CSMD1: variants seen among roughly 807,000 people sequenced by gnomAD.
CSMD1 encodes the protein CUB and sushi domain-containing protein 1.
Under a neutral mutation model 417.5 loss-of-function variants are expected in CSMD1, and 213 were observed. That is an observed-to-expected ratio of 0.51 (90% CI 0.46 to 0.57). The LOEUF (loss-of-function observed/expected upper bound fraction) is 0.57. Among genes scored for constraint, CSMD1 ranks in the 20% least tolerant of loss-of-function variants. CSMD1 has a pLI of 0.00. For synonymous variants in CSMD1, 2,862 were observed against 1,736.8 expected (o/e 1.65, Z -16.11); for missense variants, 6,923 against 4,529.7 (o/e 1.53, Z -15.17).
At chr8:3,128,365 T>G (rs150012201) in intron 41 of CSMD1, 1 of 153,370 alleles carries the variant, frequency 6.5e-6, no homozygotes, top group Non-Finnish European at 1.5e-5. Context: ...AAGTTCTTAA[T>G]AAGTCATTTA....
chr8:4,742,293 G>C (rs991421534), intron 1 of CSMD1, among the ~76,000 whole-genome samples: 1 of 151,684 alleles, frequency 6.6e-6, no homozygotes, highest in Non-Finnish European at 1.5e-5. Flanking sequence ...GCCTCCCAAA[G>C]TGCTGAGATT....
At chr8:4,909,665 G>A (rs112318137) in intron 1 of CSMD1, among the ~76,000 whole-genome samples, 2,351 of 152,178 alleles carry the variant, frequency 0.015, 69 homozygotes, top group African/African-American at 0.054. Context: ...TCCTAAGACT[G>A]CACACCCCCG....
At chr8:4,106,242 C>G (rs543257564) in intron 3 of CSMD1, among the ~76,000 whole-genome samples, 2 of 152,158 alleles carry the variant, frequency 1.3e-5, no homozygotes, top group African/African-American at 2.4e-5. Context: ...CTATAAACTT[C>G]CGAGCAGGAT....
At chr8:3,401,048 T>C (rs192369313) in intron 15 of CSMD1, among the ~76,000 whole-genome samples, 1 of 151,906 alleles carries the variant, frequency 6.6e-6, no homozygotes, top group Non-Finnish European at 1.5e-5. Flanking sequence ...TATACATAAT[T>C]ATATGTAATT....
intron 5 of CSMD1, among the ~76,000 whole-genome samples, chr8:3,953,598 G>A (rs142003674): frequency 6.6e-6 from 1 of 152,166 alleles, no homozygotes; most frequent in African/African-American, 2.4e-5. Context: ...GTGGGTCACT[G>A]CGCCCAAGCA....
intron 3 of CSMD1, among the ~76,000 whole-genome samples, chr8:4,208,316 A>T (rs1800102881): frequency 6.6e-6 from 1 of 152,204 alleles, no homozygotes. Context: ...TGGAGAAGAA[A>T]TAAAAGCAAA....
intron 5 of CSMD1, among the ~76,000 whole-genome samples, chr8:3,796,535 T>G (rs1053139094): frequency 2.8e-5 from 4 of 144,926 alleles, no homozygotes; most frequent in Non-Finnish European, 6.0e-5. Context: ...ATCTAAGATA[T>G]ATATCTATAT....
In CSMD1 at chr8:3,065,957, G is replaced by A. The variant is rs147529953; in HGVS notation, c.7475-13310C>T. ...ACTAAGCCAGCCAGAGTCTTTCTCC[G>A]AGCACTAAATAAACTATAAGCACAA... is the stretch of plus-strand genomic sequence containing the variant. On this transcript the variant is annotated intron_variant, in intron 49 of 69. Coordinates refer to ENST00000635120, the MANE Select transcript of CSMD1 (RefSeq NM_033225.6). 6.9e-3 allele frequency among the ~76,000 whole-genome samples: 1,055 copies of A among 152,120 alleles called. 8 individuals are homozygous for A. The highest frequency in any genetic ancestry group is 0.01 in the Non-Finnish European group (692 of 67,988).
chr8:3,094,543 C>T (rs182470143), intron 47 of CSMD1, among the ~76,000 whole-genome samples: 49 of 152,180 alleles, frequency 3.2e-4, no homozygotes, highest in Non-Finnish European at 2.6e-4. Flanking sequence ...AAAACCAGCA[C>T]GGCAGTAAAG....
chr8:3,312,458 C>G (rs955514313), intron 23 of CSMD1, among the ~76,000 whole-genome samples: 1 of 152,142 alleles, frequency 6.6e-6, no homozygotes, highest in Non-Finnish European at 1.5e-5. Flanking sequence ...ATACATTCCT[C>G]TTTCCTGTCA....
intron 26 of CSMD1, among the ~76,000 whole-genome samples, chr8:3,247,183 C>T (rs1402716963): frequency 1.3e-5 from 2 of 152,174 alleles, no homozygotes; most frequent in African/African-American, 4.8e-5. Context: ...AAGAGGCTCA[C>T]AGACCATGTG....
chr8:4,438,272 G>A (rs909461854), intron 2 of CSMD1, among the ~76,000 whole-genome samples: 1 of 152,180 alleles, frequency 6.6e-6, no homozygotes, highest in African/African-American at 2.4e-5. Flanking sequence ...TAAGGTTGAA[G>A]AGACCTGGGG....
chr8:3,359,537 A>G (rs1161352136), intron 20 of CSMD1, among the ~76,000 whole-genome samples, 197 bp from the exon 21 acceptor site: 1 of 147,174 alleles, frequency 6.8e-6, no homozygotes, highest in African/African-American at 2.5e-5. Flanking sequence ...CATGGGATTT[A>G]GTATTTTTTT....
At chr8:3,542,786 G>C (rs937208606) in intron 10 of CSMD1, among the ~76,000 whole-genome samples, 1 of 152,184 alleles carries the variant, frequency 6.6e-6, no homozygotes, top group Non-Finnish European at 1.5e-5. Flanking sequence ...CTTTCCCCAG[G>C]ACAGGATATC....
rs375058230 is a variant in CSMD1 at position 4,692,113 on chromosome 8, G to A, written c.86-54555C>T. ...TATGCTGAATACCCCTGGCACCCTG[G>A]TACTCAGCCCAGGGGCTCCACCTGC... is the stretch of plus-strand genomic sequence containing the variant. On this transcript the variant is annotated intron_variant, in intron 1 of 69. Coordinates refer to ENST00000635120, the MANE Select transcript of CSMD1 (RefSeq NM_033225.6). 1.4e-3 allele frequency among the ~76,000 whole-genome samples: 219 copies of A among 152,130 alleles called. 12 individuals are homozygous for A. The South Asian group carries it at 0.041, about 28-fold the overall frequency.
chr8:3,241,231 T>G (rs538341104), intron 26 of CSMD1, among the ~76,000 whole-genome samples: 106 of 151,012 alleles, frequency 7.0e-4, no homozygotes, highest in Non-Finnish European at 1.2e-3. Context: ...AAAGGAGTGC[T>G]TAAAAGAGTA....
chr8:3,133,267 G>T (rs977925148), intron 41 of CSMD1, among the ~76,000 whole-genome samples: 16 of 152,126 alleles, frequency 1.1e-4, no homozygotes, highest in African/African-American at 3.6e-4. Context: ...TGTCTTCCTG[G>T]GTCCCCCGCC....
In CSMD1 at chr8:4,805,477, G is replaced by A. The variant is rs555149374; in HGVS notation, c.86-167919C>T. On this transcript the variant is annotated intron_variant, in intron 1 of 69. Coordinates refer to ENST00000635120, the MANE Select transcript of CSMD1 (RefSeq NM_033225.6). The stretch of plus-strand genomic sequence containing the variant: ...TGGGTTGAGAAGCCTGCGTCGAGAA[G>A]TCAGCGAGTGAAACGCCACCACTCT... Among the ~76,000 whole-genome samples, 4 of 152,088 alleles carry A rather than the reference G, an allele frequency of 2.6e-5. No individual in the cohort carries two copies. In the East Asian group the frequency reaches 7.8e-4, roughly 29 times the overall value.
intron 5 of CSMD1, among the ~76,000 whole-genome samples, chr8:3,945,640 C>G (rs1024665043): frequency 6.6e-6 from 1 of 152,080 alleles, no homozygotes; most frequent in Admixed American, 6.6e-5. Flanking sequence ...ACAGTATTAA[C>G]TAAGCCTGAT....
Sources: gnomAD v4.1 joint callset for allele counts (sites outside exome capture counted in the v4.1 genomes callset) on GRCh38, gnomAD v4.1.1 for gene constraint, MANE v1.5 for transcripts, NCBI Gene and HGNC (gene_info 2026-07-23, HGNC 2026-07-21) for gene names.